Variants in PARD3B observed in about 807,000 individuals in gnomAD.
PARD3B encodes partitioning defective 3 homolog B.
PARD3B carries 103 observed loss-of-function variants against 130.2 expected under a neutral mutation model. That is an observed-to-expected ratio of 0.79 (90% CI 0.67 to 0.93). The LOEUF (loss-of-function observed/expected upper bound fraction) is 0.93, where lower values mean the gene tolerates loss of function less well. Ranked by LOEUF, PARD3B falls within the 40% of genes least tolerant of loss-of-function variation. PARD3B has a pLI of 0.00. For synonymous variants in PARD3B, 583 were observed against 553.2 expected, an observed-to-expected ratio of 1.05 and a Z score of -0.76; for missense variants, 1,609 against 1,499.2, an observed-to-expected ratio of 1.07 and a Z score of -1.21.
chr2:204,977,845 C>G (rs975421427), intron 3 of PARD3B, among the ~76,000 whole-genome samples: 1 of 149,296 alleles, frequency 6.7e-6, no homozygotes, highest in African/African-American at 2.5e-5. Context: ...GAATAGGGAG[C>G]CTTTACCAGC....
intron 1 of PARD3B, among the ~76,000 whole-genome samples, chr2:204,548,907 G>C (rs1479893991): frequency 6.6e-6 from 1 of 152,164 alleles, no homozygotes; most frequent in Non-Finnish European, 1.5e-5. Context: ...TGTAAAGTAA[G>C]TCCATTATTT....
At chr2:204,918,559 G>A in intron 2 of PARD3B, among the ~76,000 whole-genome samples, 1 of 150,596 alleles carries the variant, frequency 6.6e-6, no homozygotes, top group Non-Finnish European at 1.5e-5. Flanking sequence ...GAACCCGGGA[G>A]GCGGAGCTTG....
chr2:205,370,124 G>A (rs959293301), intron 18 of PARD3B, among the ~76,000 whole-genome samples: 6 of 152,154 alleles, frequency 3.9e-5, no homozygotes, highest in Admixed American at 2.6e-4. Flanking sequence ...AAAGGCAGGA[G>A]TCACTTAGTC....
intron 3 of PARD3B, among the ~76,000 whole-genome samples, chr2:205,006,175 G>C (rs993817560): frequency 6.6e-6 from 1 of 152,004 alleles, no homozygotes; most frequent in African/African-American, 2.4e-5. Flanking sequence ...AGTATTCCAC[G>C]GTGTATATAT....
At chr2:204,860,517 A>G (rs2045140139) in intron 2 of PARD3B, among the ~76,000 whole-genome samples, 1 of 152,240 alleles carries the variant, frequency 6.6e-6, no homozygotes, top group African/African-American at 2.4e-5. Flanking sequence ...AGAGTTGGAA[A>G]GAAAGAAGAC....
intron 15 of PARD3B, among the ~76,000 whole-genome samples, chr2:205,217,427 C>T (rs1251076210): frequency 6.6e-6 from 1 of 152,032 alleles, no homozygotes; most frequent in Non-Finnish European, 1.5e-5. Context: ...ATTCTCTGTC[C>T]ACTGCCAAAG....
chr2:205,204,191 G>A (rs1486337743), intron 15 of PARD3B, among the ~76,000 whole-genome samples: 1 of 152,116 alleles, frequency 6.6e-6, no homozygotes, highest in Non-Finnish European at 1.5e-5. Flanking sequence ...ATTTGCATTT[G>A]TCTAATGATC....
chr2:205,015,743 TG>T lies in PARD3B; in HGVS notation c.395-31837del, dbSNP rs1304535567. Among the ~76,000 whole-genome samples, 4 of 152,230 alleles carry T rather than the reference TG, an allele frequency of 2.6e-5. No homozygotes were observed. Among genetic ancestry groups the T allele is most frequent in the Non-Finnish European group, 5.9e-5 (4 of 68,034 alleles). Reference sequence around the variant, plus strand: ...GTGGGGTTTCTTTCTTACTTAGTTTTGAACAATTGGCCCTATTTGACTTTGC... The same window carrying T: ...GTGGGGTTTCTTTCTTACTTAGTTTTAACAATTGGCCCTATTTGACTTTGC... On this transcript the variant is annotated intron_variant, in intron 3 of 22. Transcript: ENST00000406610. This position sits in a 1 kb window ranked among gnomAD's most constrained non-coding sequence, Gnocchi z 4.5.
At chr2:205,361,401 T>A (rs886873619) in intron 18 of PARD3B, among the ~76,000 whole-genome samples, 7 of 152,200 alleles carry the variant, frequency 4.6e-5, no homozygotes, top group Non-Finnish European at 7.3e-5. Flanking sequence ...GTCACCCAGA[T>A]CTCCCTACTC....
At chr2:205,063,077 C>T (rs1362199421) in intron 4 of PARD3B, among the ~76,000 whole-genome samples, 2 of 151,830 alleles carry the variant, frequency 1.3e-5, no homozygotes, top group African/African-American at 4.8e-5. Flanking sequence ...TAGCAATTTG[C>T]AAATATGCAA....
chr2:205,265,040 C>T lies in PARD3B; in HGVS notation c.2185+19218C>T, dbSNP rs867807586. ...AAATTACTTTAACTTTTGCTTCCCT[C>T]GGAACAACCAGGGAAAAATATCAAC... On this transcript the variant is annotated intron_variant, in intron 16 of 22. Transcript: ENST00000406610. This position sits in a 1 kb window ranked among gnomAD's most constrained non-coding sequence, Gnocchi z 4.3. Among the ~76,000 whole-genome samples the T allele has an allele frequency of 3.5e-5, 5 of 143,078 alleles. No individual in the cohort carries two copies. The highest frequency in any genetic ancestry group is 5.1e-5 in the African/African-American group (2 of 39,072). The allele number at this position is 143,078 out of a possible 152,430, so 93.9% of individuals were successfully genotyped here. A position where few individuals can be genotyped will look rare whatever the true frequency, so the allele number is the denominator to read the frequency against.
At chr2:205,272,389 A>G (rs2040764298) in intron 16 of PARD3B, among the ~76,000 whole-genome samples, 1 of 152,198 alleles carries the variant, frequency 6.6e-6, no homozygotes. Flanking sequence ...CGTATTTGCC[A>G]TAAATAAGAA....
At chr2:204,641,303 A>G (rs1260058221) in intron 1 of PARD3B, among the ~76,000 whole-genome samples, 2 of 151,590 alleles carry the variant, frequency 1.3e-5, no homozygotes, top group Non-Finnish European at 2.9e-5. Flanking sequence ...AAGGACTCAT[A>G]CAATTTAGTG....
Position 205,336,815 on chromosome 2 carries a change from C to T in PARD3B, c.2630+35114C>T, listed in dbSNP as rs377643490. ...GCCTTAGCTGGGTGAAGAAAAATGGCCACTTTTAAGAACCAAGTTGCAAAT... is the reference window on the plus strand; with the variant it reads ...GCCTTAGCTGGGTGAAGAAAAATGGTCACTTTTAAGAACCAAGTTGCAAAT... On this transcript the variant is annotated intron_variant, in intron 18 of 22. Transcript: ENST00000406610. 1.1e-4 allele frequency among the ~76,000 whole-genome samples: 16 copies of T among 152,208 alleles called. 1 individual carries two copies. Among genetic ancestry groups the T allele is most frequent in the Admixed American group, 8.5e-4 (13 of 15,282 alleles).
intron 21 of PARD3B, among the ~76,000 whole-genome samples, chr2:205,547,394 G>A (rs2052425083): frequency 1.3e-5 from 2 of 152,092 alleles, no homozygotes; most frequent in African/African-American, 4.8e-5. Flanking sequence ...TCTCTGTTCA[G>A]TTGTAGAGAG....
At chr2:205,254,795 G>A (rs1394006141) in intron 16 of PARD3B, among the ~76,000 whole-genome samples, 1 of 151,138 alleles carries the variant, frequency 6.6e-6, no homozygotes, top group Non-Finnish European at 1.5e-5. Flanking sequence ...CTCCCGAGTA[G>A]CTGGGACTAC....
chr2:205,150,211 CTGTGTGTGTGTGTG>C (rs71409001), intron 10 of PARD3B, among the ~76,000 whole-genome samples: 7 of 134,280 alleles, frequency 5.2e-5, no homozygotes, highest in African/African-American at 2.0e-4. Context: ...CAGCCAGGCT[CTGTGTGTGTGTGTG>C]TGTGTGTGTG....
At chr2:205,382,322 A>C (rs774095351) in intron 18 of PARD3B, among the ~76,000 whole-genome samples, 26 of 152,002 alleles carry the variant, frequency 1.7e-4, no homozygotes, top group African/African-American at 6.3e-4. Context: ...TTTTCTTACC[A>C]TGATTAGATT....
In PARD3B at chr2:204,673,212, T is replaced by C. The variant is rs1049766874; in HGVS notation, c.121-12969T>C. On this transcript the variant is annotated intron_variant, in intron 1 of 22. Transcript: ENST00000406610. This position sits in a 1 kb window ranked among gnomAD's most constrained non-coding sequence, Gnocchi z 4.7. Reference sequence around the variant, plus strand: ...TCCTGCTGTGCTGTACATCAGCAGTTTGGAAAAACCATCTGAGATGCAAAT... The same window carrying C: ...TCCTGCTGTGCTGTACATCAGCAGTCTGGAAAAACCATCTGAGATGCAAAT... Among the ~76,000 whole-genome samples, 3 of 152,216 alleles carry C rather than the reference T, an allele frequency of 2.0e-5. No homozygotes were observed. The highest frequency in any genetic ancestry group is 2.9e-5 in the Non-Finnish European group (2 of 68,038).
Sources: gnomAD v4.1 joint callset for allele counts (sites outside exome capture counted in the v4.1 genomes callset) on GRCh38, gnomAD v4.1.1 for gene constraint, Gnocchi (gnomAD v3.1) non-coding constraint, MANE v1.5 for transcripts, NCBI Gene and HGNC (gene_info 2026-07-23, HGNC 2026-07-21) for gene names.